Variants in PLCB4 observed in about 807,000 individuals in gnomAD.
PLCB4 encodes 1-phosphatidylinositol 4,5-bisphosphate phosphodiesterase beta-4.
PLCB4 carries 77 observed loss-of-function variants against 178.8 expected under a neutral mutation model. The ratio of observed to expected loss-of-function variants is 0.43; its 90% CI spans 0.36 to 0.52. PLCB4 has a LOEUF of 0.52. Ranked by LOEUF, PLCB4 falls within the 20% of genes least tolerant of loss-of-function variation. The probability of loss-of-function intolerance (pLI) is 0.00; values close to 1 mark genes in which losing one functional copy is unlikely to be tolerated. For missense variants in PLCB4, 1,024 were observed against 1,453.4 expected (o/e 0.70, Z 4.80); for synonymous variants, 496 against 490.8 (o/e 1.01, Z -0.14).
intron 2 of PLCB4, among the ~76,000 whole-genome samples, chr20:9,117,025 C>T (rs2091804075): frequency 6.6e-6 from 1 of 152,044 alleles, no homozygotes; most frequent in African/African-American, 2.4e-5. Flanking sequence ...TTTTGAATGT[C>T]CCTGCTTTTT....
chr20:9,459,685 T>C lies in PLCB4; in HGVS notation c.3123T>C (p.Asn1041=), dbSNP rs754831082. The C allele has an allele frequency of 2.0e-5, 32 of 1,613,106 alleles. No homozygotes were observed. The highest frequency in any genetic ancestry group is 1.5e-5 in the Non-Finnish European group (18 of 1,179,310). ...QHTKEWSEMI[N]THSAEEQEIR... is the part of the protein sequence containing the mutation. ...CAAAGGAATGGTCAGAAATGATCAA[T>C]ACCCACAGTGCTGAGGAGCAAGAAA... The change falls in exon 35 of 40, where the codon AAT becomes AAC. Residue 1041 remains asparagine (N), a synonymous_variant. Coordinates refer to ENST00000378473, the MANE Select transcript of PLCB4 (RefSeq NM_001377142.1).
At chr20:9,214,467 T>C (rs1168235761) in intron 2 of PLCB4, among the ~76,000 whole-genome samples, 2 of 152,232 alleles carry the variant, frequency 1.3e-5, no homozygotes, top group African/African-American at 2.4e-5. Flanking sequence ...CTGATACAAC[T>C]CTGGGATTTG....
intron 4 of PLCB4, among the ~76,000 whole-genome samples, chr20:9,317,313 G>T (rs2094909777): frequency 6.6e-6 from 1 of 152,018 alleles, no homozygotes; most frequent in South Asian, 2.1e-4. Context: ...ATAGATCATT[G>T]TATCAGTTTA....
At chr20:9,362,101 A>G (rs990715111) in intron 7 of PLCB4, among the ~76,000 whole-genome samples, 2 of 152,198 alleles carry the variant, frequency 1.3e-5, no homozygotes, top group African/African-American at 2.4e-5. Context: ...CCACCGTTCT[A>G]TTTAACCCAA....
chr20:9,464,132 A>G (rs2043596651), intron 35 of PLCB4, among the ~76,000 whole-genome samples: 1 of 152,230 alleles, frequency 6.6e-6, no homozygotes, highest in Admixed American at 6.5e-5. Flanking sequence ...AACTCACTCA[A>G]AACTGCAAAA....
intron 3 of PLCB4, among the ~76,000 whole-genome samples, chr20:9,270,058 TA>T (rs1346012425): frequency 6.6e-6 from 1 of 152,018 alleles, no homozygotes; most frequent in East Asian, 1.9e-4. Flanking sequence ...AATACAGTAT[TA>T]AAAAAATGGG....
chr20:9,437,562 A>G (rs2041853212), intron 30 of PLCB4, among the ~76,000 whole-genome samples: 5 of 152,216 alleles, frequency 3.3e-5, no homozygotes, highest in Admixed American at 3.3e-4. Flanking sequence ...ATGTAGGGAA[A>G]CAACTGTGCT....
At chr20:9,413,727 A>G (rs1417694433) in intron 25 of PLCB4, among the ~76,000 whole-genome samples, 1 of 149,822 alleles carries the variant, frequency 6.7e-6, no homozygotes, top group Non-Finnish European at 1.5e-5. Flanking sequence ...CTGCTTAGCC[A>G]TTATTAGCAC....
chr20:9,195,623 T>C (rs922037843), intron 2 of PLCB4, among the ~76,000 whole-genome samples: 6 of 152,076 alleles, frequency 3.9e-5, no homozygotes, highest in Non-Finnish European at 8.8e-5. Flanking sequence ...GTGCTCCTGG[T>C]TCTTGGGCTT....
At chr20:9,105,904 C>T (rs562018195) in intron 2 of PLCB4, among the ~76,000 whole-genome samples, 1 of 151,940 alleles carries the variant, frequency 6.6e-6, no homozygotes, top group Non-Finnish European at 1.5e-5. Flanking sequence ...GTGGGGAAGT[C>T]ATCTCTAACT....
At chr20:9,327,974 A>G (rs918143108) in intron 4 of PLCB4, among the ~76,000 whole-genome samples, 1 of 152,192 alleles carries the variant, frequency 6.6e-6, no homozygotes, top group Non-Finnish European at 1.5e-5. Flanking sequence ...CCTAAAGCCT[A>G]TGTAAAATAC....
chr20:9,368,512 C>T (rs1294855081), intron 9 of PLCB4, among the ~76,000 whole-genome samples: 5 of 152,154 alleles, frequency 3.3e-5, no homozygotes, highest in Admixed American at 2.0e-4. Context: ...CCAAACAAAA[C>T]GGCTGTGTTA....
chr20:9,323,593 T>G (rs1056278549), intron 4 of PLCB4, among the ~76,000 whole-genome samples: 1 of 152,230 alleles, frequency 6.6e-6, no homozygotes, highest in Non-Finnish European at 1.5e-5. Context: ...GAACTGGAAC[T>G]GAAAATGTCA....
At chr20:9,089,637 T>G (rs1389552963) in intron 1 of PLCB4, among the ~76,000 whole-genome samples, 1 of 152,154 alleles carries the variant, frequency 6.6e-6, no homozygotes, top group African/African-American at 2.4e-5. Context: ...TAGGAAGTGG[T>G]TCTAAGATTG....
chr20:9,125,841 C>A (rs183198275), intron 2 of PLCB4, among the ~76,000 whole-genome samples: 249 of 152,222 alleles, frequency 1.6e-3, no homozygotes, highest in South Asian at 3.5e-3. Context: ...CTACTATGTG[C>A]CAGGCACAAT....
chr20:9,346,773 T>A (rs1206667869), intron 7 of PLCB4, among the ~76,000 whole-genome samples: 2 of 152,160 alleles, frequency 1.3e-5, no homozygotes, highest in Non-Finnish European at 2.9e-5. Context: ...ACCTAAGAGT[T>A]TTCTTTTTGC....
Position 9,337,015 on chromosome 20 carries a change from T to C in PLCB4, c.85-111T>C, listed in dbSNP as rs1031996883. The C allele has an allele frequency of 2.4e-5, 17 of 722,582 alleles. No individual in the cohort carries two copies. In the Admixed American group the frequency reaches 3.4e-4, roughly 14 times the overall value. The allele number at this position is 722,582 out of a possible 1,614,324, so 44.8% of individuals were successfully genotyped here. A position where few individuals can be genotyped will look rare whatever the true frequency, so the allele number is the denominator to read the frequency against. The stretch of plus-strand genomic sequence containing the variant: ...CATAATACAATAAGAATTGTGGATA[T>C]TACATACAAAAGAGTGATTTCTAAT... On this transcript the variant is annotated intron_variant, in intron 4 of 39. Transcript: ENST00000378473.
intron 3 of PLCB4, among the ~76,000 whole-genome samples, chr20:9,251,453 A>C (rs1352572232): frequency 6.6e-6 from 1 of 152,188 alleles, no homozygotes; most frequent in Non-Finnish European, 1.5e-5. Context: ...ATCTAACAAG[A>C]AATACTGAGG....
chr20:9,230,732 G>A lies in PLCB4; in HGVS notation c.-16+13280G>A, dbSNP rs568253383. ...GTGTAGGGTGGTCTTAGCTGGCATGGCTCATTTCTTCTCCATGTGTCTCTT... is the reference window on the plus strand; with the variant it reads ...GTGTAGGGTGGTCTTAGCTGGCATGACTCATTTCTTCTCCATGTGTCTCTT... On this transcript the variant is annotated intron_variant, in intron 3 of 39. Coordinates refer to ENST00000378473, the MANE Select transcript of PLCB4 (RefSeq NM_001377142.1). 9.5e-4 allele frequency among the ~76,000 whole-genome samples: 144 copies of A among 152,168 alleles called. 1 individual carries two copies. The highest frequency in any genetic ancestry group is 3.4e-3 in the African/African-American group (141 of 41,526).
Sources: allele counts gnomAD v4.1 joint callset (sites outside exome capture counted in the v4.1 genomes callset), GRCh38; gene constraint gnomAD v4.1.1; transcripts MANE v1.5; gene names NCBI Gene and HGNC (gene_info 2026-07-23, HGNC 2026-07-21).